TNRC6C: variants seen among roughly 807,000 people sequenced by gnomAD.
TNRC6C encodes the protein trinucleotide repeat containing adaptor 6C.
A neutral mutation model predicts 153.7 loss-of-function variants in TNRC6C; 20 were observed. The observed-to-expected ratio is 0.13, with a 90% confidence interval of 0.09 to 0.19. TNRC6C has a LOEUF of 0.19. Among genes scored for constraint, TNRC6C ranks in the 10% least tolerant of loss-of-function variants. TNRC6C has a pLI of 1.00. For missense variants in TNRC6C, 1,987 were observed against 2,172.0 expected (o/e 0.91, Z 1.69); for synonymous variants, 811 against 841.4 (o/e 0.96, Z 0.63).
chr17:78,103,609 ATTAGG>A, intron 19 of TNRC6C, 56 bp downstream of exon 22: 2 of 1,608,756 alleles, frequency 1.2e-6, no homozygotes, highest in Non-Finnish European at 1.7e-6. Flanking sequence ...CCCCCAGAGC[ATTAGG>A]TTAGGGGTGT....
At chr17:77,968,380 C>T (rs1033162525) in intron 1 of TNRC6C, among the ~76,000 whole-genome samples, 7 of 150,804 alleles carry the variant, frequency 4.6e-5, no homozygotes, top group Admixed American at 1.3e-4. Flanking sequence ...CTTGTTCTGT[C>T]GCCCAGACTA....
At chr17:78,051,810 A>G (rs755665634) in intron 3 of TNRC6C, among the ~76,000 whole-genome samples, 1 of 152,216 alleles carries the variant, frequency 6.6e-6, no homozygotes. Context: ...AAGATAGGAT[A>G]GACATGGTTC....
At chr17:77,999,118 A>G (rs545960761) in intron 1 of TNRC6C, among the ~76,000 whole-genome samples, 1 of 152,284 alleles carries the variant, frequency 6.6e-6, no homozygotes, top group East Asian at 1.9e-4. Flanking sequence ...TAAATGCATA[A>G]CTCAAAGGTG....
At chr17:77,991,573 T>C (rs563192412) in intron 1 of TNRC6C, among the ~76,000 whole-genome samples, 5 of 152,328 alleles carry the variant, frequency 3.3e-5, no homozygotes, top group Admixed American at 1.3e-4. Flanking sequence ...CCTCTTTTCC[T>C]TCCTCTAGTG....
At chr17:77,957,667 G>A (rs978407289), upstream of TNRC6C, among the ~76,000 whole-genome samples, 4 of 152,240 alleles carry the variant, frequency 2.6e-5, no homozygotes, top group South Asian at 2.1e-4. Context: ...GGAAAAGCTA[G>A]CCTGCTTCTG....
intron 1 of TNRC6C, among the ~76,000 whole-genome samples, chr17:77,992,549 C>T (rs2071267892): frequency 6.6e-6 from 1 of 151,588 alleles, no homozygotes; most frequent in Non-Finnish European, 1.5e-5. Flanking sequence ...AACGTTCACA[C>T]TTGGACTGTG....
At chr17:78,084,534 C>G (rs1261261593) in intron 11 of TNRC6C, among the ~76,000 whole-genome samples, 2 of 151,886 alleles carry the variant, frequency 1.3e-5, no homozygotes, top group Non-Finnish European at 2.9e-5. Context: ...TGCTATGTGT[C>G]CTCGCTTTAA....
At position 78,049,251 on chromosome 17, in the gene TNRC6C, T is replaced by C. The variant is rs775250439; in HGVS notation, c.189T>C (p.Ala63=). 2.2e-5 allele frequency: 36 copies of C among 1,611,376 alleles called. No individual in the cohort carries two copies. The highest frequency in any genetic ancestry group is 1.7e-6 in the Non-Finnish European group (2 of 1,178,430). Residue 63 remains alanine, a synonymous_variant, in exon 3 of 20, where the codon GCT becomes GCC. Transcript: ENST00000301624. This position sits in a 1 kb window ranked among gnomAD's most constrained non-coding sequence, Gnocchi z 4.1. ...CCACAGGCTCCAGCTCTGGCCTGGCTCACTGCTCTGTCAGTGGTGGGGATG... is the reference window on the plus strand; with the variant it reads ...CCACAGGCTCCAGCTCTGGCCTGGCCCACTGCTCTGTCAGTGGTGGGGATG...
rs111485330 is a variant in TNRC6C, at chr17:78,069,209, TA to T, written c.2778+1296del. Among the ~76,000 whole-genome samples, 654 of 149,964 alleles carry T rather than the reference TA, an allele frequency of 4.4e-3. 2 individuals are homozygous for T. The highest frequency in any genetic ancestry group is 0.015 in the African/African-American group (602 of 40,924). The stretch of plus-strand genomic sequence containing the variant: ...ATACATAAAGTCCTAGAAACTGATT[TA>T]AAAAAAAAATCAGCCAGAAACCCAG... On this transcript the variant is annotated intron_variant, in intron 5 of 19. Coordinates refer to ENST00000301624, the Ensembl canonical transcript of TNRC6C.
Position 78,024,889 on chromosome 17 carries a change from G to C in TNRC6C, c.-545-6627G>C, listed in dbSNP as rs190896600. Among the ~76,000 whole-genome samples, 373 of 151,792 alleles carry C rather than the reference G, an allele frequency of 2.5e-3. 2 individuals carry two copies. The highest frequency in any genetic ancestry group is 8.6e-3 in the African/African-American group (356 of 41,336). ...AGCTCACTGCAGCCTCTGCCTCCAGGTTCAAGCAACTCTCCTGCCTCAGCC... is the reference window on the plus strand; with the variant it reads ...AGCTCACTGCAGCCTCTGCCTCCAGCTTCAAGCAACTCTCCTGCCTCAGCC... On this transcript the variant is annotated intron_variant, in intron 1 of 19. Transcript: ENST00000301624.
At chr17:77,996,323 AAAAAG>A (rs2071328057) in intron 1 of TNRC6C, among the ~76,000 whole-genome samples, 1 of 152,170 alleles carries the variant, frequency 6.6e-6, no homozygotes, top group South Asian at 2.1e-4. Context: ...TAAGGAGAAA[AAAAAG>A]AGGAACATTT....
chr17:78,038,018 A>G (rs1001489514), intron 2 of TNRC6C, among the ~76,000 whole-genome samples: 1 of 152,216 alleles, frequency 6.6e-6, no homozygotes, highest in Non-Finnish European at 1.5e-5. Context: ...GTTGCAGATC[A>G]CTGAGAAAAT....
At chr17:78,006,561 C>CTTCTTCTT (rs1368496759) in intron 1 of TNRC6C, among the ~76,000 whole-genome samples, 2 of 112,050 alleles carry the variant, frequency 1.8e-5, no homozygotes, top group Non-Finnish European at 3.7e-5. Context: ...TCTTCTTCTT[C>CTTCTTCTT]CTTCTTCCTT....
chr17:78,104,699 A>T lies in TNRC6C; in HGVS notation c.4927A>T (p.Ser1643Cys), dbSNP rs2073658889. The change falls in exon 20 of 20, where the codon AGC becomes TGC. Residue 1643 changes from serine (S) to cysteine (C), a missense_variant. Ser to Cys is a moderately radical substitution (Grantham distance 112, BLOSUM62 -1). Transcript: ENST00000301624. The surrounding 1 kb of genome is among the most constrained non-coding windows in gnomAD (Gnocchi z 6.2). ...CGCCCCGTGCCTGGGTGGCAAGGGG[A>T]GCAGTGAGCTGCTGTGGGGCGGGGT... The T allele has an allele frequency of 6.5e-7, 1 of 1,540,072 alleles. No individual in the cohort carries two copies. The highest frequency in any genetic ancestry group is 8.7e-7 in the Non-Finnish European group (1 of 1,145,804).
At chr17:77,983,901 G>A (rs534214389) in intron 1 of TNRC6C, among the ~76,000 whole-genome samples, 2 of 152,130 alleles carry the variant, frequency 1.3e-5, no homozygotes, top group South Asian at 2.1e-4. Flanking sequence ...ATGTCTGTTC[G>A]GACTGCAGCT....
At chr17:77,983,307 A>G (rs545222339) in intron 1 of TNRC6C, among the ~76,000 whole-genome samples, 117 of 152,214 alleles carry the variant, frequency 7.7e-4, no homozygotes, top group Non-Finnish European at 1.5e-3. Flanking sequence ...AGATGAGGCT[A>G]TAACCCATTT....
exon 3 of TNRC6C, chr17:78,051,333 G>T: frequency 1.3e-6 from 2 of 1,551,394 alleles, no homozygotes; most frequent in Non-Finnish European, 1.7e-6. Context: ...GCAGTACCAC[G>T]ACCAATACCA....
Position 78,104,371 on chromosome 17 carries a change from GA to G in TNRC6C, c.4713-112del. ...GTTTGGAAATAGCAGTGGCAAAACA[GA>G]AGCCACAGGATGGCTTCCATGTGGG... On this transcript the variant is annotated intron_variant, in intron 19 of 19. Transcript: ENST00000301624. This position sits in a 1 kb window ranked among gnomAD's most constrained non-coding sequence, Gnocchi z 6.2. The G allele has an allele frequency of 7.3e-7, 1 of 1,373,262 alleles. No individual in the cohort carries two copies. Among genetic ancestry groups the G allele is most frequent in the Non-Finnish European group, 9.5e-7 (1 of 1,056,326 alleles). The allele number at this position is 1,373,262 out of a possible 1,614,324, so 85.1% of individuals were successfully genotyped here. A position where few individuals can be genotyped will look rare whatever the true frequency, so the allele number is the denominator to read the frequency against.
exon 9 of TNRC6C, chr17:78,077,297 C>T: frequency 6.3e-7 from 1 of 1,583,356 alleles, no homozygotes. Context: ...GGGATTGCCT[C>T]CGGGCTGGGC....
Sources: gnomAD v4.1 joint callset for allele counts (sites outside exome capture counted in the v4.1 genomes callset) on GRCh38, gnomAD v4.1.1 for gene constraint, Gnocchi (gnomAD v3.1) non-coding constraint, MANE v1.5 for transcripts, NCBI Gene and HGNC (gene_info 2026-07-23, HGNC 2026-07-21) for gene names.